Variants in HIBADH observed in about 807,000 individuals in gnomAD.
HIBADH encodes 3-hydroxyisobutyrate dehydrogenase, also known as 3-hydroxyisobutyrate dehydrogenase, mitochondrial.
In HIBADH, 25 loss-of-function variants were observed where a neutral mutation model predicts 36.1. The observed-to-expected ratio is 0.69, with a 90% CI of 0.50 to 0.97. The LOEUF is 0.97. HIBADH is among the 50% of genes least tolerant of loss of function. HIBADH has a pLI of 0.00. For synonymous variants in HIBADH, 160 were observed against 149.5 expected (o/e 1.07, Z -0.51); for missense variants, 421 against 418.0 (o/e 1.01, Z -0.06).
intron 1 of HIBADH, 86 bp from the exon 2 acceptor site, chr7:27,649,719 A>ATT (rs879263925): frequency 1.3e-4 from 134 of 1,043,002 alleles, no homozygotes; most frequent in African/African-American, 6.6e-4. Context: ...CAATTGTTAG[A>ATT]TTTTTTTTTT....
Position 27,605,479 on chromosome 7 carries a change from A to T in HIBADH, c.484+23892T>A, listed in dbSNP as rs866565963. 6.6e-3 allele frequency among the ~76,000 whole-genome samples: 760 copies of T among 114,770 alleles called. 18 individuals carry two copies. Among genetic ancestry groups the T allele is most frequent in the African/African-American group, 0.026 (726 of 28,180 alleles). The allele number at this position is 114,770 out of a possible 152,430, so 75.3% of individuals were successfully genotyped here. On this transcript the variant is annotated intron_variant, in intron 4 of 7. Transcript: ENST00000265395. ...CACTTTTTTTTTTTTTTTTTTTACA[A>T]GACCCAGGGAGGGGGGTGGAATCTT... is the stretch of plus-strand genomic sequence containing the variant.
chr7:27,616,636 A>AT (rs1214387274), intron 4 of HIBADH, among the ~76,000 whole-genome samples: 1 of 151,680 alleles, frequency 6.6e-6, no homozygotes, highest in Non-Finnish European at 1.5e-5. Flanking sequence ...TGATTTTTCT[A>AT]TTTTTTGCAG....
intron 4 of HIBADH, among the ~76,000 whole-genome samples, chr7:27,571,293 G>T (rs1784625119): frequency 6.6e-6 from 1 of 151,974 alleles, no homozygotes; most frequent in Non-Finnish European, 1.5e-5. Context: ...TGTGATCTTG[G>T]TCTACTGCAA....
chr7:27,531,459 C>T, intron 6 of HIBADH, 111 bp from the exon 7 acceptor site: 2 of 966,538 alleles, frequency 2.1e-6, no homozygotes, highest in South Asian at 2.2e-5. Flanking sequence ...TATATGTCTT[C>T]TAAAATCTAA....
At chr7:27,529,197 G>A (rs1322210900) in intron 7 of HIBADH, among the ~76,000 whole-genome samples, 1 of 152,184 alleles carries the variant, frequency 6.6e-6, no homozygotes, top group Non-Finnish European at 1.5e-5. Flanking sequence ...TGTACAGGGA[G>A]ATTAATGTTG....
chr7:27,548,708 C>A (rs1784272382), intron 4 of HIBADH, among the ~76,000 whole-genome samples: 1 of 152,124 alleles, frequency 6.6e-6, no homozygotes, highest in African/African-American at 2.4e-5. Flanking sequence ...AAAACCTAGT[C>A]TTTGCACTCA....
chr7:27,594,875 A>AAT (rs1785004561), intron 4 of HIBADH, among the ~76,000 whole-genome samples: 1 of 152,226 alleles, frequency 6.6e-6, no homozygotes, highest in Non-Finnish European at 1.5e-5. Context: ...ACTTTCATTA[A>AAT]ATATATTTTT....
At chr7:27,531,125 A>AGAAG (rs1783991420) in intron 7 of HIBADH, 67 bp downstream of exon 7, 1 of 1,425,900 alleles carries the variant, frequency 7.0e-7, no homozygotes, top group Admixed American at 2.2e-5. Flanking sequence ...TAAGAGAAAG[A>AGAAG]GAAGGAAGGT....
chr7:27,554,084 C>T (rs1300777705), intron 4 of HIBADH, among the ~76,000 whole-genome samples: 1 of 152,202 alleles, frequency 6.6e-6, no homozygotes, highest in Admixed American at 6.5e-5. Flanking sequence ...CTCCCGGGTT[C>T]AAGTGATTCT....
intron 4 of HIBADH, among the ~76,000 whole-genome samples, chr7:27,548,934 T>C (rs1348412762): frequency 1.3e-5 from 2 of 152,186 alleles, no homozygotes; most frequent in Admixed American, 6.6e-5. Context: ...AGTAATATTC[T>C]TGCTGTCAAC....
At chr7:27,625,733 C>A (rs1472326173) in intron 4 of HIBADH, among the ~76,000 whole-genome samples, 1 of 151,942 alleles carries the variant, frequency 6.6e-6, no homozygotes, top group East Asian at 1.9e-4. Context: ...TTACTCCCTG[C>A]ACTAAAAAAG....
chr7:27,547,411 C>T (rs1333103934), intron 4 of HIBADH, among the ~76,000 whole-genome samples: 1 of 152,128 alleles, frequency 6.6e-6, no homozygotes, highest in Admixed American at 6.6e-5. Flanking sequence ...CATTTATCAC[C>T]TCTTTAACAG....
rs1328674717 is a variant in HIBADH at position 27,662,861 on chromosome 7, G to C, written c.-73C>G. 2.5e-6 allele frequency: 3 copies of C among 1,219,224 alleles called. No homozygotes were observed. Among genetic ancestry groups the C allele is most frequent in the East Asian group, 6.4e-5 (2 of 31,464 alleles). The allele number at this position is 1,219,224 out of a possible 1,614,324, so 75.5% of individuals were successfully genotyped here. A position where few individuals can be genotyped will look rare whatever the true frequency, so the allele number is the denominator to read the frequency against. ...GGCCCACAGACTGCGAGCGTGTGCAGCGGGACTGGCTGGCTCGCCCACGGA... is the reference window on the plus strand; with the variant it reads ...GGCCCACAGACTGCGAGCGTGTGCACCGGGACTGGCTGGCTCGCCCACGGA... On this transcript the variant is annotated 5_prime_UTR_variant, in exon 1 of 8. Coordinates refer to ENST00000265395, the MANE Select transcript of HIBADH (RefSeq NM_152740.4).
intron 2 of HIBADH, among the ~76,000 whole-genome samples, chr7:27,645,447 C>T (rs761160099): frequency 3.8e-5 from 5 of 129,902 alleles, no homozygotes; most frequent in Non-Finnish European, 6.2e-5. Context: ...GTGGCAATCT[C>T]GGCTCACTGC....
intron 4 of HIBADH, among the ~76,000 whole-genome samples, chr7:27,566,415 T>A (rs753245862): frequency 6.6e-6 from 1 of 152,070 alleles, no homozygotes; most frequent in Non-Finnish European, 1.5e-5. Context: ...GCAAAATTTA[T>A]GTCAATTGAG....
chr7:27,593,627 C>T lies in HIBADH; in HGVS notation c.484+35744G>A, dbSNP rs78137959. 8.9e-3 allele frequency among the ~76,000 whole-genome samples: 1,362 copies of T among 152,226 alleles called. 20 individuals carry two copies. The highest frequency in any genetic ancestry group is 0.031 in the African/African-American group (1,293 of 41,514). ...GGAACATGACAAGGACACTTGTTAT[C>T]ACTACTATTATTCAATATTATTCTG... On this transcript the variant is annotated intron_variant, in intron 4 of 7. Transcript: ENST00000265395.
At chr7:27,568,634 A>T (rs115881383) in intron 4 of HIBADH, among the ~76,000 whole-genome samples, 345 of 151,436 alleles carry the variant, frequency 2.3e-3, no homozygotes, top group Non-Finnish European at 3.9e-3. Context: ...ATTTTTTTTT[A>T]AATTTTTTTG....
chr7:27,640,032 T>A (rs1483003650), intron 2 of HIBADH, among the ~76,000 whole-genome samples: 1 of 152,168 alleles, frequency 6.6e-6, no homozygotes, highest in African/African-American at 2.4e-5. Context: ...CAGAGAGACG[T>A]AAGCATAGGA....
intron 3 of HIBADH, 146 bp downstream of exon 3, chr7:27,632,190 G>A (rs1280326957): frequency 1.8e-6 from 1 of 551,040 alleles, no homozygotes; most frequent in Non-Finnish European, 3.1e-6. Context: ...CTTTTACAAT[G>A]AGAAAACCAC....
Sources: gnomAD v4.1 joint callset for allele counts (sites outside exome capture counted in the v4.1 genomes callset) on GRCh38, gnomAD v4.1.1 for gene constraint, MANE v1.5 for transcripts, NCBI Gene and HGNC (gene_info 2026-07-23, HGNC 2026-07-21) for gene names.